The following SH3GL3 variants were observed in gnomAD, a reference collection of about 807,000 sequenced individuals.
The protein encoded by SH3GL3 is SH3 domain containing GRB2 like 3, endophilin A3.
SH3GL3 carries 33 observed loss-of-function variants against 47.7 expected under a neutral mutation model. The observed-to-expected ratio is 0.69, with a 90% CI of 0.52 to 0.92. The LOEUF is 0.92. SH3GL3 is among the 40% of genes least tolerant of loss of function. The probability of loss-of-function intolerance (pLI) is 0.00; values close to 1 mark genes in which losing one functional copy is unlikely to be tolerated. For synonymous variants in SH3GL3, 155 were observed against 148.8 expected, an observed-to-expected ratio of 1.04 and a Z score of -0.30; for missense variants, 363 against 417.8, an observed-to-expected ratio of 0.87 and a Z score of 1.14.
downstream of SH3GL3, among the ~76,000 whole-genome samples, chr15:83,619,868 C>T (rs78711891): frequency 5.6e-4 from 85 of 152,324 alleles, 2 homozygotes; most frequent in East Asian, 0.015. Context: ...TTCTCTGTCA[C>T]ATGCAATGCT....
At chr15:83,501,300 A>T (rs1276909035) in intron 1 of SH3GL3, among the ~76,000 whole-genome samples, 2 of 152,248 alleles carry the variant, frequency 1.3e-5, no homozygotes, top group Non-Finnish European at 2.9e-5. Flanking sequence ...GACTCAAGTT[A>T]TGCCATATTT....
intron 2 of SH3GL3, among the ~76,000 whole-genome samples, chr15:83,564,617 T>C (rs2045448355): frequency 6.6e-6 from 1 of 152,228 alleles, no homozygotes; most frequent in African/African-American, 2.4e-5. Context: ...AAAACTTTGA[T>C]GTTAACATCT....
intron 1 of SH3GL3, among the ~76,000 whole-genome samples, chr15:83,550,947 C>T (rs1021920884): frequency 6.6e-6 from 1 of 152,080 alleles, no homozygotes; most frequent in South Asian, 2.1e-4. Flanking sequence ...TCTTAGGTTC[C>T]GGCTTTCTTG....
chr15:83,459,360 A>G (rs2040159692), intron 1 of SH3GL3, among the ~76,000 whole-genome samples: 2 of 152,182 alleles, frequency 1.3e-5, no homozygotes, highest in South Asian at 4.1e-4. Flanking sequence ...TCAAGTTGAC[A>G]CTCAACGTTA....
At chr15:83,625,364 A>G in the SH3GL3 span, among the ~76,000 whole-genome samples, 1 of 152,154 alleles carries the variant, frequency 6.6e-6, no homozygotes, top group Non-Finnish European at 1.5e-5. Context: ...TCACTCTGTC[A>G]TATTTACCTT....
chr15:83,597,691 C>T (rs918608085), intron 8 of SH3GL3, among the ~76,000 whole-genome samples: 11 of 151,820 alleles, frequency 7.2e-5, no homozygotes, highest in Non-Finnish European at 1.3e-4. Flanking sequence ...CTCACTGCAA[C>T]CTCCGCCTCC....
At chr15:83,616,978 CA>C (rs2060839903) in intron 8 of SH3GL3, among the ~76,000 whole-genome samples, 1 of 152,092 alleles carries the variant, frequency 6.6e-6, no homozygotes, top group Non-Finnish European at 1.5e-5. Flanking sequence ...CTAGCTTGTA[CA>C]AGAAGAATCT....
At chr15:83,624,023 G>T in the SH3GL3 span, among the ~76,000 whole-genome samples, 1 of 152,120 alleles carries the variant, frequency 6.6e-6, no homozygotes, top group African/African-American at 2.4e-5. Flanking sequence ...CTGACCTCAG[G>T]TGATCCGCCC....
intron 1 of SH3GL3, among the ~76,000 whole-genome samples, chr15:83,532,060 A>C (rs1013995603): frequency 4.6e-5 from 7 of 152,210 alleles, no homozygotes; most frequent in Admixed American, 4.6e-4. Context: ...CTGAGAGTCC[A>C]TTACATTTTT....
At chr15:83,485,248 A>G (rs1014834222) in intron 1 of SH3GL3, among the ~76,000 whole-genome samples, 2 of 152,062 alleles carry the variant, frequency 1.3e-5, no homozygotes, top group Non-Finnish European at 2.9e-5. Context: ...TTTGGATACT[A>G]TTTGTGTGGG....
At chr15:83,555,333 C>G (rs928498714) in intron 1 of SH3GL3, among the ~76,000 whole-genome samples, 4 of 152,058 alleles carry the variant, frequency 2.6e-5, no homozygotes, top group Non-Finnish European at 4.4e-5. Flanking sequence ...TATATTGTTT[C>G]ATAAAACCGT....
chr15:83,599,376 G>C (rs2060320879), intron 8 of SH3GL3, among the ~76,000 whole-genome samples: 1 of 152,118 alleles, frequency 6.6e-6, no homozygotes, highest in South Asian at 2.1e-4. Context: ...AGTCCCCAAA[G>C]TCCATTGTAT....
At chr15:83,482,467 C>T (rs1431197780) in intron 1 of SH3GL3, among the ~76,000 whole-genome samples, 1 of 151,780 alleles carries the variant, frequency 6.6e-6, no homozygotes, top group Non-Finnish European at 1.5e-5. Context: ...TTTCTTTCTA[C>T]AAGCATATTA....
At chr15:83,605,630 A>G (rs2060494223) in intron 8 of SH3GL3, among the ~76,000 whole-genome samples, 1 of 152,110 alleles carries the variant, frequency 6.6e-6, no homozygotes, top group Non-Finnish European at 1.5e-5. Flanking sequence ...ATCTTTGATA[A>G]TATCATTGCT....
chr15:83,607,589 C>T (rs542880052), intron 8 of SH3GL3, among the ~76,000 whole-genome samples: 1 of 152,274 alleles, frequency 6.6e-6, no homozygotes, highest in African/African-American at 2.4e-5. Context: ...TAGTCTACGG[C>T]AAGCGCCCCT....
intron 1 of SH3GL3, among the ~76,000 whole-genome samples, chr15:83,519,366 C>A: frequency 6.6e-6 from 1 of 152,188 alleles, no homozygotes; most frequent in East Asian, 1.9e-4. Flanking sequence ...TTGTACTTCT[C>A]CTCGTAGACA....
At chr15:83,613,659 CTATCT>C (rs2060734155) in intron 8 of SH3GL3, among the ~76,000 whole-genome samples, 1 of 151,842 alleles carries the variant, frequency 6.6e-6, no homozygotes, top group Non-Finnish European at 1.5e-5. Context: ...ATCTATCTAT[CTATCT>C]ATCTATCTAT....
At chr15:83,544,720 A>T (rs1252669150) in intron 1 of SH3GL3, among the ~76,000 whole-genome samples, 2 of 152,154 alleles carry the variant, frequency 1.3e-5, no homozygotes, top group Non-Finnish European at 2.9e-5. Context: ...TGTTGATGAA[A>T]TACTTCAGCT....
chr15:83,593,193 A>C (rs919563534), intron 8 of SH3GL3, among the ~76,000 whole-genome samples: 1 of 152,168 alleles, frequency 6.6e-6, no homozygotes, highest in Non-Finnish European at 1.5e-5. Flanking sequence ...TTGCATTTTC[A>C]TGTGAGTTTT....
Sources: allele counts gnomAD v4.1 joint callset (sites outside exome capture counted in the v4.1 genomes callset), GRCh38; gene constraint gnomAD v4.1.1; transcripts MANE v1.5; gene names NCBI Gene and HGNC (gene_info 2026-07-23, HGNC 2026-07-21).